TNIP3: variants seen among roughly 807,000 people sequenced by gnomAD.
TNIP3 encodes the protein TNFAIP3-interacting protein 3.
In TNIP3, 34 loss-of-function variants were observed where a neutral mutation model predicts 54.1. The observed-to-expected ratio is 0.63, with a 90% CI of 0.48 to 0.84. The LOEUF (loss-of-function observed/expected upper bound fraction) is 0.84. TNIP3 is among the 40% of genes least tolerant of loss of function. The pLI is 0.00. For synonymous variants in TNIP3, 134 were observed against 136.8 expected (o/e 0.98, Z 0.14); for missense variants, 366 against 387.6 (o/e 0.94, Z 0.47).
chr4:121,185,468 T>C (rs1724964246), intron 2 of TNIP3, among the ~76,000 whole-genome samples: 1 of 152,216 alleles, frequency 6.6e-6, no homozygotes, highest in Non-Finnish European at 1.5e-5. Context: ...GATTTCTTAT[T>C]TGTTTACTTT....
At chr4:121,194,922 C>T (rs1725494011) in intron 2 of TNIP3, among the ~76,000 whole-genome samples, 1 of 152,152 alleles carries the variant, frequency 6.6e-6, no homozygotes, top group African/African-American at 2.4e-5. Context: ...AATACTAGCA[C>T]TCTGGGAAGC....
In TNIP3 at chr4:121,132,538, T is replaced by C. The variant is rs2148789844; in HGVS notation, c.*93A>G. 2.4e-6 allele frequency: 3 copies of C among 1,228,806 alleles called. No individual in the cohort carries two copies. Among genetic ancestry groups the C allele is most frequent in the East Asian group, 4.7e-5 (2 of 42,628 alleles). The allele number at this position is 1,228,806 out of a possible 1,614,324, so 76.1% of individuals were successfully genotyped here. ...AAATAACAGGGTAGATGATGTGCCT[T>C]TGTGGCAGAAACAAGCCTCAGTATA... is the stretch of plus-strand genomic sequence containing the variant. On this transcript the variant is annotated 3_prime_UTR_variant, in exon 11 of 11. Coordinates refer to ENST00000057513, the MANE Select transcript of TNIP3 (RefSeq NM_024873.6).
intron 2 of TNIP3, among the ~76,000 whole-genome samples, chr4:121,213,213 G>A (rs1336375310): frequency 6.6e-6 from 1 of 152,114 alleles, no homozygotes; most frequent in Admixed American, 6.6e-5. Flanking sequence ...TTACCAGAAG[G>A]CATGAAAAAC....
chr4:121,146,907 G>T, intron 7 of TNIP3, 142 bp downstream of exon 7: 1 of 821,230 alleles, frequency 1.2e-6, no homozygotes, highest in Non-Finnish European at 1.8e-6. Context: ...TTACAAGATT[G>T]TTTAAGAATG....
upstream of TNIP3, among the ~76,000 whole-genome samples, chr4:121,166,772 T>C (rs959363467): frequency 6.6e-6 from 1 of 151,990 alleles, no homozygotes; most frequent in Non-Finnish European, 1.5e-5. Context: ...TTTTCCTTTT[T>C]ATGCTTTTAC....
intron 1 of TNIP3, among the ~76,000 whole-genome samples, chr4:121,162,300 G>A (rs1416654494): frequency 6.6e-6 from 1 of 152,144 alleles, no homozygotes; most frequent in Admixed American, 6.5e-5. Flanking sequence ...GGTATTTTAA[G>A]TAAGCAGAGA....
intron 2 of TNIP3, among the ~76,000 whole-genome samples, chr4:121,201,796 C>T: frequency 6.6e-6 from 1 of 152,150 alleles, no homozygotes. Context: ...ACATGAGGAT[C>T]ACATTTTCCT....
chr4:121,213,373 A>AT (rs1726581721), intron 2 of TNIP3, among the ~76,000 whole-genome samples: 1 of 152,078 alleles, frequency 6.6e-6, no homozygotes, highest in African/African-American at 2.4e-5. Context: ...AATCATAGTC[A>AT]TTTTTCTTGC....
intron 3 of TNIP3, among the ~76,000 whole-genome samples, chr4:121,169,668 C>G (rs1430380640): frequency 6.6e-6 from 1 of 152,186 alleles, no homozygotes; most frequent in East Asian, 1.9e-4. Flanking sequence ...CATACATCTT[C>G]TCAAGAGATT....
chr4:121,181,032 AG>A (rs1475339953), intron 3 of TNIP3, among the ~76,000 whole-genome samples: 1 of 152,208 alleles, frequency 6.6e-6, no homozygotes, highest in Non-Finnish European at 1.5e-5. Context: ...ATGAGGTCGT[AG>A]GAAAATCAGT....
At chr4:121,164,963 T>G (rs1237336892), upstream of TNIP3, among the ~76,000 whole-genome samples, 2 of 151,918 alleles carry the variant, frequency 1.3e-5, no homozygotes, top group African/African-American at 4.8e-5. Context: ...GGAGCACTAC[T>G]GGGTAGTACA....
intron 10 of TNIP3, 24 bp from the exon 11 acceptor site, chr4:121,132,686 T>G: frequency 6.2e-7 from 1 of 1,600,408 alleles, no homozygotes; most frequent in Non-Finnish European, 8.6e-7. Flanking sequence ...TAGGAAAATG[T>G]TTTAGATTAA....
intron 3 of TNIP3, among the ~76,000 whole-genome samples, chr4:121,179,752 C>T (rs142576752): frequency 4.6e-5 from 7 of 151,746 alleles, no homozygotes; most frequent in Non-Finnish European, 1.0e-4. Flanking sequence ...CAGGATTCCC[C>T]CAAGTTTGGA....
upstream of TNIP3, among the ~76,000 whole-genome samples, chr4:121,217,027 GAAAA>G (rs531435644): frequency 6.6e-6 from 1 of 151,642 alleles, no homozygotes; most frequent in African/African-American, 2.4e-5. Context: ...AAAAAAAAGA[GAAAA>G]AAAACTGTAC....
At chr4:121,154,843 G>C (rs1729987980) in intron 4 of TNIP3, among the ~76,000 whole-genome samples, 164 bp from the exon 5 acceptor site, 1 of 151,764 alleles carries the variant, frequency 6.6e-6, no homozygotes, top group Non-Finnish European at 1.5e-5. Context: ...TGTTCCATTT[G>C]AGCAATATTC....
chr4:121,169,654 A>G (rs2148820374), intron 3 of TNIP3, among the ~76,000 whole-genome samples: 1 of 152,306 alleles, frequency 6.6e-6, no homozygotes, highest in South Asian at 2.1e-4. Context: ...TGATGCTCCC[A>G]AATCATACAT....
At chr4:121,141,990 A>G (rs1729149876) in intron 8 of TNIP3, 76 bp from the exon 9 acceptor site, 11 of 997,818 alleles carry the variant, frequency 1.1e-5, no homozygotes, top group Non-Finnish European at 1.4e-5. Flanking sequence ...TTTATACAAA[A>G]GGTTTGGTTT....
At chr4:121,206,442 T>C (rs1390832783) in intron 2 of TNIP3, among the ~76,000 whole-genome samples, 1 of 152,212 alleles carries the variant, frequency 6.6e-6, no homozygotes, top group Non-Finnish European at 1.5e-5. Flanking sequence ...CTGTAAATTA[T>C]TCATTATGCT....
intron 3 of TNIP3, among the ~76,000 whole-genome samples, chr4:121,181,695 T>C (rs1028524809): frequency 6.6e-6 from 1 of 152,048 alleles, no homozygotes; most frequent in Non-Finnish European, 1.5e-5. Context: ...AGATGGTCTC[T>C]ATAGGTGGTG....
Sources: gnomAD v4.1 joint callset for allele counts (sites outside exome capture counted in the v4.1 genomes callset) on GRCh38, gnomAD v4.1.1 for gene constraint, MANE v1.5 for transcripts, NCBI Gene and HGNC (gene_info 2026-07-23, HGNC 2026-07-21) for gene names.